Variants in PREX1 observed in about 807,000 individuals in gnomAD.
PREX1 encodes phosphatidylinositol-3,4,5-trisphosphate dependent Rac exchange factor 1, also known as phosphatidylinositol 3,4,5-trisphosphate-dependent Rac exchanger 1 protein.
PREX1 carries 41 observed loss-of-function variants against 198.3 expected under a neutral mutation model. The observed-to-expected ratio is 0.21, with a 90% CI of 0.16 to 0.27. The LOEUF is 0.27. Among genes scored for constraint, PREX1 ranks in the 10% least tolerant of loss-of-function variants. PREX1 has a pLI of 1.00. For synonymous variants in PREX1, 843 were observed against 887.2 expected (o/e 0.95, Z 0.89); for missense variants, 1,620 against 2,200.7 (o/e 0.74, Z 5.28).
chr20:48,768,447 C>T (rs1437610030), intron 1 of PREX1, among the ~76,000 whole-genome samples: 1 of 152,194 alleles, frequency 6.6e-6, no homozygotes, highest in Non-Finnish European at 1.5e-5. Context: ...TGGGATTCCA[C>T]ATCTACGAAG....
intron 10 of PREX1, among the ~76,000 whole-genome samples, chr20:48,682,566 T>C (rs150827552): frequency 6.6e-6 from 1 of 152,236 alleles, no homozygotes; most frequent in African/African-American, 2.4e-5. Context: ...AATGAAGTAA[T>C]GAACCATCCG....
intron 1 of PREX1, among the ~76,000 whole-genome samples, chr20:48,778,881 C>G (rs1408519938): frequency 6.6e-6 from 1 of 152,052 alleles, no homozygotes; most frequent in Non-Finnish European, 1.5e-5. Context: ...AAATGGATCA[C>G]AGATCTAAAT....
At chr20:48,725,507 G>A (rs1259741648) in intron 5 of PREX1, among the ~76,000 whole-genome samples, 1 of 152,198 alleles carries the variant, frequency 6.6e-6, no homozygotes, top group African/African-American at 2.4e-5. Flanking sequence ...TGGCGGCAGG[G>A]AAGGAAACAG....
intron 33 of PREX1, among the ~76,000 whole-genome samples, chr20:48,633,831 T>C (rs1399209433): frequency 2.0e-5 from 3 of 152,006 alleles, no homozygotes; most frequent in Non-Finnish European, 4.4e-5. Context: ...GATTCCAGAG[T>C]GCAAGCAGGG....
At chr20:48,865,942 G>A in the PREX1 span, among the ~76,000 whole-genome samples, 2 of 149,402 alleles carry the variant, frequency 1.3e-5, no homozygotes, top group African/African-American at 5.0e-5. Flanking sequence ...CCTTTTCGAA[G>A]TGTTAAACTT....
chr20:48,725,966 C>A (rs1266463017), intron 5 of PREX1, among the ~76,000 whole-genome samples: 2 of 152,212 alleles, frequency 1.3e-5, no homozygotes, highest in Admixed American at 6.5e-5. Context: ...ATATGACCTT[C>A]CCCTGGCTGC....
chr20:48,686,484 C>A (rs1428160726), intron 10 of PREX1, among the ~76,000 whole-genome samples: 1 of 152,218 alleles, frequency 6.6e-6, no homozygotes, highest in Non-Finnish European at 1.5e-5. Flanking sequence ...GGCAGAACTC[C>A]TCGAAGTTCT....
Position 48,625,774 on chromosome 20 carries a change from C to G in PREX1, c.*111G>C. ...GGAGGACGCTGGGCAGGTCCCGGAACGGGCGGCTGCGGAAGCCTTGGGCCA... is the reference window on the plus strand; with the variant it reads ...GGAGGACGCTGGGCAGGTCCCGGAAGGGGCGGCTGCGGAAGCCTTGGGCCA... On this transcript the variant is annotated 3_prime_UTR_variant, in exon 40 of 40. Coordinates refer to ENST00000371941, the MANE Select transcript of PREX1 (RefSeq NM_020820.4). The G allele has an allele frequency of 7.8e-7, 1 of 1,284,370 alleles. No individual in the cohort carries two copies. Among genetic ancestry groups the G allele is most frequent in the Admixed American group, 3.2e-5 (1 of 31,528 alleles). The allele number at this position is 1,284,370 out of a possible 1,614,324, so 79.6% of individuals were successfully genotyped here.
At chr20:48,759,704 G>A (rs2090170905) in intron 1 of PREX1, among the ~76,000 whole-genome samples, 1 of 152,054 alleles carries the variant, frequency 6.6e-6, no homozygotes, top group Non-Finnish European at 1.5e-5. Context: ...CTATAACGGG[G>A]GATAAAATGA....
At chr20:48,873,623 G>A in the PREX1 span, among the ~76,000 whole-genome samples, 1 of 151,318 alleles carries the variant, frequency 6.6e-6, no homozygotes. Flanking sequence ...GGGAGGCTGA[G>A]GCAGGAGAAT....
chr20:48,735,645 C>A (rs1032641030), intron 3 of PREX1, among the ~76,000 whole-genome samples: 1 of 151,664 alleles, frequency 6.6e-6, no homozygotes, highest in African/African-American at 2.4e-5. Flanking sequence ...GCATGTAGTA[C>A]AGGCTGCACG....
the PREX1 span, among the ~76,000 whole-genome samples, chr20:48,865,036 T>TGG: frequency 2.6e-5 from 4 of 151,516 alleles, no homozygotes; most frequent in South Asian, 2.1e-4. Context: ...GAGGCAGGGT[T>TGG]GGGGGGGGTC....
the PREX1 span, among the ~76,000 whole-genome samples, chr20:48,833,082 A>G: frequency 2.6e-5 from 4 of 152,224 alleles, no homozygotes; most frequent in African/African-American, 9.6e-5. Context: ...TTCAATATCC[A>G]TATCTGTAAA....
intron 3 of PREX1, among the ~76,000 whole-genome samples, chr20:48,737,650 C>T (rs745596041): frequency 1.3e-5 from 2 of 152,160 alleles, no homozygotes; most frequent in Non-Finnish European, 2.9e-5. Context: ...CAGAGTTCCC[C>T]GTCCTAATAA....
At chr20:48,679,328 G>C (rs374197405) in intron 13 of PREX1, 32 bp downstream of exon 13, 18 of 1,588,918 alleles carry the variant, frequency 1.1e-5, no homozygotes. Context: ...AAGAGGTAGA[G>C]GTGAAATTGG....
chr20:48,716,373 A>G (rs1404576292), intron 5 of PREX1, among the ~76,000 whole-genome samples: 1 of 152,196 alleles, frequency 6.6e-6, no homozygotes, highest in African/African-American at 2.4e-5. Context: ...CATGTCCCCA[A>G]AACTGTGTCA....
intron 1 of PREX1, among the ~76,000 whole-genome samples, chr20:48,805,686 A>G (rs944017109): frequency 6.6e-6 from 1 of 151,728 alleles, no homozygotes; most frequent in Admixed American, 6.6e-5. Flanking sequence ...CCAGAATCCC[A>G]CCTCACCCCT....
chr20:48,845,459 T>C, the PREX1 span, among the ~76,000 whole-genome samples: 1 of 152,118 alleles, frequency 6.6e-6, no homozygotes, highest in Non-Finnish European at 1.5e-5. Flanking sequence ...TCTCAGCACT[T>C]TGGGAGGCCA....
chr20:48,771,530 G>A (rs1271190730), intron 1 of PREX1, among the ~76,000 whole-genome samples: 7 of 152,032 alleles, frequency 4.6e-5, no homozygotes, highest in African/African-American at 1.4e-4. Context: ...CCAACACTTT[G>A]GGAGGCCGAG....
Sources: gnomAD v4.1 joint callset for allele counts (sites outside exome capture counted in the v4.1 genomes callset) on GRCh38, gnomAD v4.1.1 for gene constraint, MANE v1.5 for transcripts, NCBI Gene and HGNC (gene_info 2026-07-23, HGNC 2026-07-21) for gene names.